SNTG2: variants seen among roughly 807,000 people sequenced by gnomAD.
The protein encoded by SNTG2 is syntrophin gamma 2.
Under a neutral mutation model 70.9 loss-of-function variants are expected in SNTG2, and 74 were observed. The ratio of observed to expected loss-of-function variants is 1.04; its 90% CI spans 0.86 to 1.27. SNTG2 has a LOEUF of 1.27. Among genes scored for constraint, SNTG2 ranks in the 50% most tolerant of loss-of-function variants. SNTG2 has a pLI of 0.00. For synonymous variants in SNTG2, 278 were observed against 273.8 expected, an observed-to-expected ratio of 1.02 and a Z score of -0.15; for missense variants, 717 against 690.7, an observed-to-expected ratio of 1.04 and a Z score of -0.43.
chr2:1,077,487 T>C (rs981512448), intron 1 of SNTG2, among the ~76,000 whole-genome samples: 1 of 152,244 alleles, frequency 6.6e-6, no homozygotes, highest in African/African-American at 2.4e-5. Context: ...ATGACTTTTA[T>C]ATTCCCTGCT....
chr2:1,053,497 G>C (rs534925139), intron 1 of SNTG2, among the ~76,000 whole-genome samples: 1 of 51,182 alleles, frequency 2.0e-5, no homozygotes, highest in East Asian at 5.1e-4. Context: ...GCCCTTTGCA[G>C]CTAAGTTGTG....
chr2:1,257,656 A>G (rs976168193), intron 12 of SNTG2, among the ~76,000 whole-genome samples: 7 of 152,236 alleles, frequency 4.6e-5, no homozygotes, highest in South Asian at 2.1e-4. Flanking sequence ...AATGCATTCA[A>G]TGTGACATAA....
At chr2:1,242,492 A>T (rs1677116225) in intron 11 of SNTG2, among the ~76,000 whole-genome samples, 2 of 152,254 alleles carry the variant, frequency 1.3e-5, no homozygotes, top group African/African-American at 4.8e-5. Flanking sequence ...CAAATAATTT[A>T]TCATACAAAC....
rs150571329 is a variant in SNTG2 at position 1,339,945 on chromosome 2, C to T, written c.1488+23570C>T. Among the ~76,000 whole-genome samples, 409 of 152,310 alleles carry T rather than the reference C, an allele frequency of 2.7e-3. 1 individual carries two copies. The highest frequency in any genetic ancestry group is 7.5e-3 in the African/African-American group (310 of 41,564). On this transcript the variant is annotated intron_variant, in intron 16 of 16. Coordinates refer to ENST00000308624, the MANE Select transcript of SNTG2 (RefSeq NM_018968.4). ...CTAGAAACTGCTTAAGGCCTCGCAC[C>T]GTCCGCTCACTGGCCGCATCGAACT...
At chr2:1,250,691 G>C (rs1677704224) in intron 12 of SNTG2, among the ~76,000 whole-genome samples, 1 of 149,532 alleles carries the variant, frequency 6.7e-6, no homozygotes, top group African/African-American at 2.5e-5. Flanking sequence ...TTCTCCATCT[G>C]TCTCTGTCTT....
intron 2 of SNTG2, among the ~76,000 whole-genome samples, chr2:1,087,013 T>C (rs529821705): frequency 2.0e-5 from 3 of 152,112 alleles, no homozygotes; most frequent in African/African-American, 7.2e-5. Context: ...GAAATGGGCC[T>C]GGAGAGTGGC....
At chr2:1,187,273 A>G (rs574913250) in intron 8 of SNTG2, among the ~76,000 whole-genome samples, 6 of 152,226 alleles carry the variant, frequency 3.9e-5, no homozygotes, top group East Asian at 1.9e-4. Flanking sequence ...TAGGTGGTCA[A>G]ACATGATTCT....
In SNTG2 at chr2:1,012,014, T is replaced by C. The variant is rs866594235; in HGVS notation, c.72+60946T>C. ...ATTTCAAATATTGACTTAGAAACTT[T>C]CTTTTCCCCAGTGAATACCAAACAG... On this transcript the variant is annotated intron_variant, in intron 1 of 16. Coordinates refer to ENST00000308624, the MANE Select transcript of SNTG2 (RefSeq NM_018968.4). Among the ~76,000 whole-genome samples the C allele has an allele frequency of 2.0e-4, 30 of 152,360 alleles. No homozygotes were observed. In the South Asian group the frequency reaches 2.3e-3, roughly 12 times the overall value.
At chr2:1,117,022 C>A (rs1667055966) in intron 4 of SNTG2, among the ~76,000 whole-genome samples, 1 of 136,278 alleles carries the variant, frequency 7.3e-6, no homozygotes. Context: ...TGTGGGTGCT[C>A]TGGTGTGTGA....
At chr2:1,185,532 G>C (rs1672193131) in intron 8 of SNTG2, among the ~76,000 whole-genome samples, 1 of 152,220 alleles carries the variant, frequency 6.6e-6, no homozygotes, top group Non-Finnish European at 1.5e-5. Flanking sequence ...TCTAGGCGGA[G>C]GCTCCCAAAC....
chr2:1,139,380 C>T (rs1668605056), intron 6 of SNTG2, among the ~76,000 whole-genome samples: 1 of 152,146 alleles, frequency 6.6e-6, no homozygotes, highest in Admixed American at 6.5e-5. Context: ...TATAGACGCC[C>T]ACCACCATGC....
intron 9 of SNTG2, among the ~76,000 whole-genome samples, chr2:1,235,440 G>A (rs529528748): frequency 4.9e-5 from 6 of 122,246 alleles, no homozygotes; most frequent in Admixed American, 2.5e-4. Context: ...ATTCATGAGA[G>A]GGGGCGCCCC....
At chr2:1,155,010 CACAT>C (rs761737161) in intron 6 of SNTG2, among the ~76,000 whole-genome samples, 10 of 78,978 alleles carry the variant, frequency 1.3e-4, no homozygotes, top group Non-Finnish European at 3.9e-4. Flanking sequence ...ACACAAACAA[CACAT>C]AGTCATACAC....
intron 8 of SNTG2, among the ~76,000 whole-genome samples, chr2:1,188,288 AT>A (rs1672369194): frequency 1.3e-5 from 2 of 152,204 alleles, no homozygotes; most frequent in African/African-American, 4.8e-5. Context: ...AAAAGAAGAA[AT>A]TACAAAAAAC....
chr2:1,295,372 T>A (rs1297757824), intron 14 of SNTG2, among the ~76,000 whole-genome samples: 1 of 152,218 alleles, frequency 6.6e-6, no homozygotes, highest in African/African-American at 2.4e-5. Context: ...GAAACTTGTA[T>A]AGGGAGAGTA....
intron 8 of SNTG2, among the ~76,000 whole-genome samples, chr2:1,174,355 A>G (rs894078418): frequency 6.6e-6 from 1 of 151,912 alleles, no homozygotes; most frequent in Non-Finnish European, 1.5e-5. Context: ...TTATTCTTCC[A>G]TAGTCTTCTG....
At chr2:1,240,862 T>G (rs1192651722) in intron 11 of SNTG2, among the ~76,000 whole-genome samples, 3 of 152,248 alleles carry the variant, frequency 2.0e-5, no homozygotes, top group Non-Finnish European at 4.4e-5. Context: ...ATAGATATTT[T>G]ATGATTAATA....
intron 1 of SNTG2, among the ~76,000 whole-genome samples, chr2:1,053,306 TAA>T (rs1312248857): frequency 7.0e-6 from 1 of 142,676 alleles, no homozygotes; most frequent in African/African-American, 3.0e-5. Flanking sequence ...AGAAATGCAT[TAA>T]AAGTTTTTTT....
intron 9 of SNTG2, among the ~76,000 whole-genome samples, chr2:1,221,141 C>T (rs1000206772): frequency 3.9e-5 from 6 of 152,222 alleles, no homozygotes; most frequent in South Asian, 2.1e-4. Flanking sequence ...CTCTAGGCTC[C>T]GTTACGCTTT....
Sources: gnomAD v4.1 joint callset for allele counts (sites outside exome capture counted in the v4.1 genomes callset) on GRCh38, gnomAD v4.1.1 for gene constraint, MANE v1.5 for transcripts, NCBI Gene and HGNC (gene_info 2026-07-23, HGNC 2026-07-21) for gene names.